The following FRMPD3 variants were observed in gnomAD, a reference collection of about 807,000 sequenced individuals.
FRMPD3 encodes FERM and PDZ domain-containing protein 3.
In FRMPD3, 42 loss-of-function variants were observed where a neutral mutation model predicts 97.9. The ratio of observed to expected loss-of-function variants is 0.43; its 90% confidence interval spans 0.34 to 0.55. The LOEUF is 0.55. Among genes scored for constraint, FRMPD3 ranks in the 20% least tolerant of loss-of-function variants. The pLI is 0.03. For synonymous variants in FRMPD3, 577 were observed against 581.1 expected (o/e 0.99, Z 0.10); for missense variants, 1,303 against 1,457.7 (o/e 0.89, Z 1.73).
At chrX:107,452,527 C>G (rs1931307235) in intron 1 of FRMPD3, among the ~76,000 whole-genome samples, 1 of 111,841 alleles carries the variant, frequency 8.9e-6, no homozygotes, top group Admixed American at 9.4e-5. Flanking sequence ...GGCTTCTGGC[C>G]CTGAGGGTTT....
chrX:107,597,217 T>C, intron 13 of FRMPD3, 104 bp from the exon 14 acceptor site: 1 of 707,837 alleles, frequency 1.4e-6, no homozygotes, highest in Non-Finnish European at 2.1e-6. Context: ...TCTTGGGACC[T>C]GCCACTTGAT....
chrX:107,476,393 G>T (rs59613171), intron 1 of FRMPD3, among the ~76,000 whole-genome samples: 13,653 of 112,135 alleles, frequency 0.12, 1,765 homozygotes, highest in African/African-American at 0.39. Flanking sequence ...GTTGGCTGAA[G>T]TTTTATAATT....
intron 1 of FRMPD3, among the ~76,000 whole-genome samples, chrX:107,453,915 G>A (rs1031484992): frequency 8.9e-5 from 10 of 112,135 alleles, no homozygotes; most frequent in Non-Finnish European, 1.7e-4. Context: ...AACGTGGGGC[G>A]GGGAAAGGAG....
At position 107,601,837 on chromosome X, in the gene FRMPD3, G is replaced by C; in HGVS notation, c.3798G>C (p.Glu1266Asp). 9.1e-6 allele frequency: 11 copies of C among 1,210,640 alleles called. No homozygotes were observed. Among genetic ancestry groups the C allele is most frequent in the Non-Finnish European group, 1.2e-5 (11 of 895,243 alleles). ...PPSQGELPGT[E>D]YLQPPAPGRC... ...GCCAGGGGGAGCTGCCAGGCACCGAGTACCTGCAACCTCCAGCACCTGGCC... is the reference window on the plus strand; with the variant it reads ...GCCAGGGGGAGCTGCCAGGCACCGACTACCTGCAACCTCCAGCACCTGGCC... Residue 1266 changes from glutamate to aspartate, a missense_variant, in exon 15 of 15, where the codon GAG (glutamate) becomes GAC (aspartate). Glu to Asp is a conservative substitution (Grantham distance 45). Around this residue, in one of 3 missense-constraint regions of FRMPD3, gnomAD observed 764 missense variants for 820.2 expected, o/e 0.93. Transcript: ENST00000683843.
chrX:107,561,352 TA>T (rs201509261), intron 10 of FRMPD3, among the ~76,000 whole-genome samples: 3,730 of 110,592 alleles, frequency 0.034, 159 homozygotes, highest in African/African-American at 0.12. Flanking sequence ...AAAAATAATT[TA>T]AAAAAAATGT....
intron 13 of FRMPD3, among the ~76,000 whole-genome samples, chrX:107,593,290 A>T (rs185572627): frequency 2.2e-4 from 24 of 111,015 alleles, no homozygotes; most frequent in African/African-American, 7.5e-4. Flanking sequence ...GATTCTGGAT[A>T]TTAGTCCTTT....
chrX:107,517,993 C>T (rs766085462), intron 1 of FRMPD3, among the ~76,000 whole-genome samples: 1 of 110,122 alleles, frequency 9.1e-6, no homozygotes, highest in Non-Finnish European at 1.9e-5. Flanking sequence ...TTGAGTTCAT[C>T]GAGGGATGAG....
At chrX:107,520,991 C>T (rs1443847617) in intron 1 of FRMPD3, among the ~76,000 whole-genome samples, 1 of 111,995 alleles carries the variant, frequency 8.9e-6, no homozygotes, top group African/African-American at 3.2e-5. Flanking sequence ...GCATTTTCCT[C>T]ACTTTCCTCC....
chrX:107,512,965 AGGAGCATGTCT>A (rs1766146645), intron 1 of FRMPD3: 1 of 112,752 alleles, frequency 8.9e-6, no homozygotes, highest in African/African-American at 3.2e-5. Flanking sequence ...GGCAGGGTTT[AGGAGCATGTCT>A]GGACCTATTA....
intron 7 of FRMPD3, among the ~76,000 whole-genome samples, chrX:107,553,906 C>G (rs1283577169): frequency 8.9e-6 from 1 of 112,229 alleles, no homozygotes; most frequent in African/African-American, 3.2e-5. Context: ...AACCCTATTA[C>G]CCATTCCCAG....
At chrX:107,519,379 C>G (rs2147542072) in intron 1 of FRMPD3, among the ~76,000 whole-genome samples, 1 of 111,048 alleles carries the variant, frequency 9.0e-6, no homozygotes, top group Non-Finnish European at 1.9e-5. Flanking sequence ...CGCCTGTGGT[C>G]CCAGCTACTT....
chrX:107,469,131 G>T (rs1183356741), intron 1 of FRMPD3, among the ~76,000 whole-genome samples: 1 of 111,677 alleles, frequency 9.0e-6, no homozygotes, highest in Non-Finnish European at 1.9e-5. Context: ...GATCCAGTAG[G>T]CATTGAAAAA....
chrX:107,533,933 A>G (rs1923102898), intron 4 of FRMPD3, among the ~76,000 whole-genome samples: 1 of 112,458 alleles, frequency 8.9e-6, no homozygotes, highest in Non-Finnish European at 1.9e-5. Context: ...CATATAAGTT[A>G]CCTACAATGT....
In FRMPD3 at chrX:107,602,000, C is replaced by A; in HGVS notation, c.3961C>A (p.Arg1321=). 1 of 1,168,835 alleles carries A rather than the reference C, an allele frequency of 8.6e-7. No individual in the cohort carries two copies. Among genetic ancestry groups the A allele is most frequent in the African/African-American group, 1.8e-5 (1 of 56,401 alleles). ...CACCCAGACACCAGTGCCCAGCCTC[C>A]GGGGGAGGGAAAGGGACAGAGTCCT... ...QATQTPVPSL[R]GRERDRVLPS... The change falls in exon 15 of 15, where the codon CGG becomes AGG. Residue 1321 remains arginine, a synonymous_variant. Coordinates refer to ENST00000683843, the MANE Select transcript of FRMPD3 (RefSeq NM_001388459.1).
rs1293456203 is a variant in FRMPD3 at position 107,604,591 on chromosome X, C to T, written c.*1218C>T. On this transcript the variant is annotated 3_prime_UTR_variant, in exon 15 of 15. Coordinates refer to ENST00000683843, the MANE Select transcript of FRMPD3 (RefSeq NM_001388459.1). ...CGCTGCCAACCCTCCCCCCACGCCC[C>T]CCACCCCCGCAACCTTCCTGGGAGT... The T allele has an allele frequency of 9.6e-6, 1 of 103,734 alleles. No homozygotes were observed. The highest frequency in any genetic ancestry group is 1.0e-4 in the Admixed American group (1 of 9,553). The allele number at this position is 103,734 out of a possible 1,213,427, so 8.5% of individuals were successfully genotyped here. A position where few individuals can be genotyped will look rare whatever the true frequency, so the allele number is the denominator to read the frequency against.
chrX:107,530,311 C>T, intron 2 of FRMPD3, 98 bp from the exon 3 acceptor site: 1 of 611,959 alleles, frequency 1.6e-6, no homozygotes, highest in Non-Finnish European at 2.7e-6. Flanking sequence ...CAGGCCTCAG[C>T]ACCTGCTTCA....
intron 4 of FRMPD3, among the ~76,000 whole-genome samples, chrX:107,538,569 C>G (rs977019892): frequency 6.0e-5 from 6 of 100,737 alleles, no homozygotes; most frequent in Non-Finnish European, 1.2e-4. Flanking sequence ...AAAAAAACCA[C>G]TGGACCAGAC....
chrX:107,523,854 T>C lies in FRMPD3; in HGVS notation c.-7-2728T>C, dbSNP rs751921814. Among the ~76,000 whole-genome samples, 4 of 112,193 alleles carry C rather than the reference T, an allele frequency of 3.6e-5. No individual in the cohort carries two copies. In the South Asian group the frequency reaches 1.5e-3, roughly 42 times the overall value. On this transcript the variant is annotated intron_variant, in intron 1 of 14. Transcript: ENST00000683843. ...CATTTTCTTCAGAAGTGGTAGTACC[T>C]CAAGGCCCAGTGGAAACTGAGATGT...
At chrX:107,451,758 C>T (rs1931294912) in intron 1 of FRMPD3, among the ~76,000 whole-genome samples, 1 of 112,239 alleles carries the variant, frequency 8.9e-6, no homozygotes. Context: ...GAAGGCACCC[C>T]TGAGGTTAAA....
Sources: gnomAD v4.1 joint callset for allele counts (sites outside exome capture counted in the v4.1 genomes callset) on GRCh38, gnomAD v4.1.1 for gene constraint, gnomAD v4.1.1 regional missense constraint, MANE v1.5 for transcripts, NCBI Gene and HGNC (gene_info 2026-07-23, HGNC 2026-07-21) for gene names.